OXCT1: variants seen among roughly 807,000 people sequenced by gnomAD.
OXCT1 encodes succinyl-CoA:3-ketoacid coenzyme A transferase 1, mitochondrial.
OXCT1 carries 27 observed loss-of-function variants against 69.6 expected under a neutral mutation model. The observed-to-expected ratio is 0.39, with a 90% CI of 0.29 to 0.54. The LOEUF is 0.54. Among genes scored for constraint, OXCT1 ranks in the 20% least tolerant of loss-of-function variants. The pLI is 0.72. For synonymous variants in OXCT1, 202 were observed against 217.8 expected, an observed-to-expected ratio of 0.93 and a Z score of 0.64; for missense variants, 437 against 650.2, an observed-to-expected ratio of 0.67 and a Z score of 3.57.
chr5:41,786,390 T>C (rs1745644339), intron 13 of OXCT1, among the ~76,000 whole-genome samples: 1 of 152,158 alleles, frequency 6.6e-6, no homozygotes. Flanking sequence ...ATTTTGATCC[T>C]GGTGGGTGCC....
chr5:41,817,778 C>A (rs920666240), intron 7 of OXCT1, among the ~76,000 whole-genome samples: 1 of 152,176 alleles, frequency 6.6e-6, no homozygotes, highest in African/African-American at 2.4e-5. Context: ...GAATGAGACA[C>A]ACTATACCAG....
chr5:41,851,660 G>A (rs762800501), intron 4 of OXCT1, among the ~76,000 whole-genome samples: 1 of 151,942 alleles, frequency 6.6e-6, no homozygotes, highest in African/African-American at 2.4e-5. Flanking sequence ...GTTTACTAAC[G>A]GGCCACTAAG....
chr5:41,753,646 G>T (rs1743921028), intron 14 of OXCT1, among the ~76,000 whole-genome samples: 1 of 152,026 alleles, frequency 6.6e-6, no homozygotes, highest in African/African-American at 2.4e-5. Context: ...GGCCCTCCTA[G>T]GTGCTCCTGT....
intron 7 of OXCT1, among the ~76,000 whole-genome samples, chr5:41,831,364 A>G: frequency 6.6e-6 from 1 of 152,154 alleles, no homozygotes; most frequent in East Asian, 1.9e-4. Flanking sequence ...CTCAGAAGTC[A>G]TCTCACCGAG....
At chr5:41,815,834 T>G (rs1030621049) in intron 7 of OXCT1, among the ~76,000 whole-genome samples, 3 of 152,080 alleles carry the variant, frequency 2.0e-5, no homozygotes, top group Admixed American at 2.0e-4. Flanking sequence ...AGAGAAAAAG[T>G]TCGTGTTGGG....
At chr5:41,847,823 A>G (rs1009640976) in intron 5 of OXCT1, among the ~76,000 whole-genome samples, 2 of 150,590 alleles carry the variant, frequency 1.3e-5, no homozygotes, top group Non-Finnish European at 3.0e-5. Context: ...AGCCAATATC[A>G]TACTGAATGG....
chr5:41,786,357 T>TCCTTG (rs1195142520), intron 13 of OXCT1, among the ~76,000 whole-genome samples: 2 of 152,246 alleles, frequency 1.3e-5, no homozygotes, highest in East Asian at 3.9e-4. Flanking sequence ...CTGCCCTATT[T>TCCTTG]CCTTGCCTTC....
chr5:41,775,740 G>C (rs1745091905), intron 13 of OXCT1, among the ~76,000 whole-genome samples: 1 of 152,124 alleles, frequency 6.6e-6, no homozygotes, highest in Non-Finnish European at 1.5e-5. Flanking sequence ...GGCCCACTGA[G>C]AGTCACATTA....
At chr5:41,786,229 G>T (rs781476501) in intron 13 of OXCT1, among the ~76,000 whole-genome samples, 8 of 151,740 alleles carry the variant, frequency 5.3e-5, no homozygotes, top group Non-Finnish European at 1.2e-4. Context: ...AAAGACAACT[G>T]CTCACCCCAC....
chr5:41,767,845 T>G (rs1579694263), intron 13 of OXCT1, among the ~76,000 whole-genome samples: 1 of 151,002 alleles, frequency 6.6e-6, no homozygotes, highest in Admixed American at 6.6e-5. Context: ...ACTTAGGGGC[T>G]TCTATGGTCC....
chr5:41,810,765 C>T (rs189799598), intron 7 of OXCT1, among the ~76,000 whole-genome samples: 2 of 152,132 alleles, frequency 1.3e-5, no homozygotes, highest in East Asian at 3.9e-4. Flanking sequence ...AAAAGAGGAG[C>T]TGCAAGGCAA....
At chr5:41,847,227 C>A (rs1748958890) in intron 5 of OXCT1, among the ~76,000 whole-genome samples, 1 of 151,704 alleles carries the variant, frequency 6.6e-6, no homozygotes, top group African/African-American at 2.4e-5. Context: ...AAGACTAAAC[C>A]AGGAAGAAGT....
At chr5:41,802,551 A>T (rs1746470750) in intron 10 of OXCT1, among the ~76,000 whole-genome samples, 1 of 152,100 alleles carries the variant, frequency 6.6e-6, no homozygotes, top group South Asian at 2.1e-4. Flanking sequence ...TTTTGAGGCA[A>T]TCAACTCAAA....
At chr5:41,786,961 T>A (rs919861435) in intron 13 of OXCT1, among the ~76,000 whole-genome samples, 1 of 152,182 alleles carries the variant, frequency 6.6e-6, no homozygotes, top group African/African-American at 2.4e-5. Flanking sequence ...GAGAAAATGA[T>A]TAAATGCCCT....
chr5:41,814,000 G>A (rs1030311172), intron 7 of OXCT1, among the ~76,000 whole-genome samples: 4 of 151,922 alleles, frequency 2.6e-5, no homozygotes, highest in Non-Finnish European at 4.4e-5. Flanking sequence ...TGTCATTATA[G>A]TATCAATTTT....
At chr5:41,817,741 G>A (rs916516567) in intron 7 of OXCT1, among the ~76,000 whole-genome samples, 4 of 152,126 alleles carry the variant, frequency 2.6e-5, no homozygotes, top group Non-Finnish European at 5.9e-5. Context: ...GGCTTATTCT[G>A]CTTTTGCAGA....
intron 1 of OXCT1, among the ~76,000 whole-genome samples, chr5:41,865,430 G>A (rs919622899): frequency 6.6e-6 from 1 of 152,194 alleles, no homozygotes; most frequent in Non-Finnish European, 1.5e-5. Flanking sequence ...AAGTGAAGAT[G>A]TTTTCCAGGT....
At chr5:41,869,233 G>T (rs997495092) in intron 1 of OXCT1, among the ~76,000 whole-genome samples, 9 of 152,186 alleles carry the variant, frequency 5.9e-5, no homozygotes, top group African/African-American at 2.2e-4. Flanking sequence ...AGCGGTCAGG[G>T]ATTGGATGCA....
In OXCT1 at chr5:41,823,931, G is replaced by T. The variant is rs182298567; in HGVS notation, c.733-16493C>A. On this transcript the variant is annotated intron_variant, in intron 7 of 16. Transcript: ENST00000196371. ...ACATTACTGAACAATTCTTAATTTT[G>T]CATTTATGAAAGTATTAACATTATC... Among the ~76,000 whole-genome samples the T allele has an allele frequency of 7.2e-4, 110 of 152,040 alleles. 1 individual carries two copies. Among genetic ancestry groups the T allele is most frequent in the Non-Finnish European group, 1.2e-3 (79 of 67,972 alleles).
Sources: allele counts gnomAD v4.1 joint callset (sites outside exome capture counted in the v4.1 genomes callset), GRCh38; gene constraint gnomAD v4.1.1; transcripts MANE v1.5; gene names NCBI Gene and HGNC (gene_info 2026-07-23, HGNC 2026-07-21).